Variants in TPO observed in about 807,000 individuals in gnomAD.
TPO encodes the protein thyroid peroxidase.
In TPO, 78 loss-of-function variants were observed where a neutral mutation model predicts 96.9. The observed-to-expected ratio is 0.81, with a 90% CI of 0.67 to 0.97. TPO has a LOEUF of 0.97. TPO is among the 50% of genes least tolerant of loss of function. The pLI, the probability that TPO is intolerant of heterozygous loss-of-function variation, is 0.00. For synonymous variants in TPO, 547 were observed against 538.0 expected, an observed-to-expected ratio of 1.02 and a Z score of -0.23; for missense variants, 1,252 against 1,274.8, an observed-to-expected ratio of 0.98 and a Z score of 0.27.
At chr2:1,438,541 C>A (rs1200935853) in intron 5 of TPO, among the ~76,000 whole-genome samples, 1 of 152,094 alleles carries the variant, frequency 6.6e-6, no homozygotes, top group African/African-American at 2.4e-5. Context: ...TCTGATGGCT[C>A]TCCCTACGGA....
chr2:1,537,954 G>A (rs1334310717), intron 15 of TPO, among the ~76,000 whole-genome samples: 8 of 42,846 alleles, frequency 1.9e-4, no homozygotes, highest in Non-Finnish European at 2.6e-4. Context: ...GAAATCCCCC[G>A]TAGTGTGTGC....
intron 15 of TPO, among the ~76,000 whole-genome samples, chr2:1,527,836 T>C (rs1420943873): frequency 2.2e-5 from 3 of 137,880 alleles, no homozygotes; most frequent in African/African-American, 8.5e-5. Flanking sequence ...CCATACTGTG[T>C]GCAACCTCCT....
intron 5 of TPO, among the ~76,000 whole-genome samples, chr2:1,453,377 A>G (rs149625761): frequency 2.0e-4 from 30 of 152,326 alleles, no homozygotes; most frequent in Middle Eastern, 3.4e-3. Flanking sequence ...CCCCTGGTAC[A>G]TTCTAGAAGG....
chr2:1,467,460 A>G (rs1172941327), intron 7 of TPO, among the ~76,000 whole-genome samples: 1 of 152,076 alleles, frequency 6.6e-6, no homozygotes, highest in Non-Finnish European at 1.5e-5. Context: ...GTCATTCAGG[A>G]GCAGATTATT....
At chr2:1,469,698 G>A (rs1014963629) in intron 7 of TPO, among the ~76,000 whole-genome samples, 1 of 152,078 alleles carries the variant, frequency 6.6e-6, no homozygotes, top group Non-Finnish European at 1.5e-5. Flanking sequence ...ACTCAGCTCC[G>A]GGTAAAGTCA....
intron 1 of TPO, among the ~76,000 whole-genome samples, chr2:1,398,995 G>A (rs987736058): frequency 3.3e-5 from 5 of 152,310 alleles, no homozygotes; most frequent in East Asian, 1.9e-4. Flanking sequence ...TGCAAGCCAC[G>A]CTCACATTCT....
chr2:1,401,818 A>G (rs1240962518), intron 1 of TPO, among the ~76,000 whole-genome samples: 3 of 152,212 alleles, frequency 2.0e-5, no homozygotes, highest in Non-Finnish European at 4.4e-5. Context: ...ACATCCTGAA[A>G]GTACACACCC....
At chr2:1,506,897 C>A (rs1481575082) in intron 14 of TPO, among the ~76,000 whole-genome samples, 3 of 152,082 alleles carry the variant, frequency 2.0e-5, no homozygotes, top group Admixed American at 6.6e-5. Flanking sequence ...AATTAGATCC[C>A]ATTTGTCAAT....
intron 7 of TPO, 129 bp from the exon 8 acceptor site, chr2:1,476,957 C>T (rs1670004062): frequency 1.6e-6 from 2 of 1,214,994 alleles, no homozygotes; most frequent in Non-Finnish European, 2.3e-6. Flanking sequence ...GCTGGACTGA[C>T]CCCTACAGAG....
intron 8 of TPO, among the ~76,000 whole-genome samples, chr2:1,479,744 T>TGTCCTCCTCCTCGTCCTCCTCCTC (rs570476475): frequency 6.6e-6 from 1 of 151,944 alleles, no homozygotes; most frequent in Non-Finnish European, 1.5e-5. Context: ...TGCTCCTCCT[T>TGTCCTCCTCCTCGTCCTCCTCCTC]GTCCTCCTCC....
chr2:1,526,484 T>TCCC (rs1676532997), intron 15 of TPO, among the ~76,000 whole-genome samples: 1 of 103,820 alleles, frequency 9.6e-6, no homozygotes, highest in Non-Finnish European at 1.9e-5. Context: ...GTGTGCAACC[T>TCCC]CAAGTCCGCC....
intron 7 of TPO, among the ~76,000 whole-genome samples, chr2:1,457,774 A>G (rs1667976742): frequency 6.6e-6 from 1 of 152,022 alleles, no homozygotes; most frequent in Non-Finnish European, 1.5e-5. Context: ...GTATTGGCAC[A>G]TCACAGGTGG....
At chr2:1,394,972 C>A (rs556104183) in intron 1 of TPO, among the ~76,000 whole-genome samples, 104 of 152,220 alleles carry the variant, frequency 6.8e-4, no homozygotes, top group African/African-American at 2.4e-3. Flanking sequence ...CCCTGCACAC[C>A]ATATGTTGGA....
intron 15 of TPO, among the ~76,000 whole-genome samples, chr2:1,533,084 A>G (rs1468359480): frequency 8.5e-6 from 1 of 117,704 alleles, no homozygotes; most frequent in African/African-American, 3.6e-5. Flanking sequence ...ACTGCGAGCA[A>G]CCTCCTCAAA....
chr2:1,422,332 C>T (rs1010806332), intron 2 of TPO, among the ~76,000 whole-genome samples: 1 of 135,300 alleles, frequency 7.4e-6, no homozygotes, highest in South Asian at 2.1e-4. Flanking sequence ...CGTGCAGGCG[C>T]CTCTCCTGGA....
At chr2:1,522,324 C>T (rs1675387992) in intron 15 of TPO, among the ~76,000 whole-genome samples, 1 of 75,738 alleles carries the variant, frequency 1.3e-5, no homozygotes, top group Admixed American at 1.4e-4. Context: ...CTACCCCACA[C>T]CTGCCTGCCA....
intron 1 of TPO, among the ~76,000 whole-genome samples, chr2:1,399,150 T>C (rs1467630266): frequency 6.6e-6 from 1 of 152,254 alleles, no homozygotes; most frequent in Admixed American, 6.5e-5. Context: ...TGCCCTCCTC[T>C]GTTCAGCCAT....
intron 10 of TPO, among the ~76,000 whole-genome samples, chr2:1,493,217 G>C (rs1402638930): frequency 1.7e-5 from 2 of 118,494 alleles, no homozygotes; most frequent in East Asian, 5.8e-4. Flanking sequence ...GGTGGGGGGG[G>C]GGGTGCTGGC....
intron 5 of TPO, 22 bp downstream of exon 5, chr2:1,436,406 A>T: frequency 1.2e-6 from 2 of 1,614,118 alleles, no homozygotes; most frequent in Non-Finnish European, 1.7e-6. Flanking sequence ...GGATTTTCTT[A>T]ATCTTCTCGT....
Sources: gnomAD v4.1 joint callset for allele counts (sites outside exome capture counted in the v4.1 genomes callset) on GRCh38, gnomAD v4.1.1 for gene constraint, MANE v1.5 for transcripts, NCBI Gene and HGNC (gene_info 2026-07-23, HGNC 2026-07-21) for gene names.